Variants in TMF1 observed in about 807,000 individuals in gnomAD.
The protein encoded by TMF1 is TATA element modulatory factor 1, also known as TATA element modulatory factor.
In TMF1, 71 loss-of-function variants were observed where a neutral mutation model predicts 126.5. That is an observed-to-expected ratio of 0.56 (90% CI 0.46 to 0.68). TMF1 has a LOEUF of 0.68. Ranked by LOEUF, TMF1 falls within the 30% of genes least tolerant of loss-of-function variation. The pLI, the probability that TMF1 is intolerant of heterozygous loss-of-function variation, is 0.00. For synonymous variants in TMF1, 461 were observed against 430.5 expected, an observed-to-expected ratio of 1.07 and a Z score of -0.88; for missense variants, 1,259 against 1,253.2, an observed-to-expected ratio of 1.00 and a Z score of -0.07.
chr3:69,039,711 G>C lies in TMF1; in HGVS notation c.1685-18C>G. ...TTTTTCTCCTGGTGATGGTAAAGAA[G>C]TATAAACTCAAATGATAACTATTCC... On this transcript the variant is annotated intron_variant, in intron 5 of 16. Transcript: ENST00000398559. 1 of 1,601,674 alleles carries C rather than the reference G, an allele frequency of 6.2e-7. No individual in the cohort carries two copies. Among genetic ancestry groups the C allele is most frequent in the Non-Finnish European group, 8.5e-7 (1 of 1,176,560 alleles).
chr3:69,046,269 G>C (rs115419890), intron 2 of TMF1, among the ~76,000 whole-genome samples: 1 of 146,410 alleles, frequency 6.8e-6, no homozygotes, highest in African/African-American at 2.5e-5. Flanking sequence ...AGTATAAAAG[G>C]AGTAGGAAGG....
intron 15 of TMF1, chr3:69,025,212 T>C (rs7612705): frequency 0.035 from 6,671 of 189,572 alleles, 173 homozygotes; most frequent in African/African-American, 0.07. Flanking sequence ...CTTTATTCTG[T>C]TGGGAAAGAG....
chr3:69,049,770 G>C (rs1385361691), intron 1 of TMF1, among the ~76,000 whole-genome samples: 1 of 152,046 alleles, frequency 6.6e-6, no homozygotes, highest in Admixed American at 6.6e-5. Flanking sequence ...TTTTAAAAAT[G>C]GCATAATCAG....
At chr3:69,028,833 T>G (rs2091783632) in intron 11 of TMF1, among the ~76,000 whole-genome samples, 1 of 152,118 alleles carries the variant, frequency 6.6e-6, no homozygotes, top group African/African-American at 2.4e-5. Context: ...ATTATACTAC[T>G]AAAATCCTTG....
intron 2 of TMF1, 115 bp from the exon 3 acceptor site, chr3:69,044,710 G>A: frequency 1.6e-6 from 1 of 624,486 alleles, no homozygotes. Context: ...AAACAATCAA[G>A]AACAGTATTA....
intron 13 of TMF1, 69 bp from the exon 14 acceptor site, chr3:69,026,166 T>G: frequency 9.7e-7 from 1 of 1,030,402 alleles, no homozygotes; most frequent in Non-Finnish European, 1.5e-6. Flanking sequence ...CAAGAACATT[T>G]CCTAGGGTTA....
rs761270002 is a variant in TMF1, at chr3:69,024,086, T to C, written c.3107A>G (p.Lys1036Arg). ...CTGAGTTCTAAGTTTGGGTATCTCC[T>C]TCACCTTCTCTTCAAGTTCATCATT... Reference protein sequence around the residue: ...NQNDELEEKVKEIPKLRTQLR... With the variant: ...NQNDELEEKVREIPKLRTQLR... Residue 1036 changes from lysine (K) to arginine (R), a missense_variant, in exon 16 of 17, where the codon AAG becomes AGG. Coordinates refer to ENST00000398559, the MANE Select transcript of TMF1 (RefSeq NM_007114.3). 5.0e-6 allele frequency: 8 copies of C among 1,609,746 alleles called. No homozygotes were observed. Among genetic ancestry groups the C allele is most frequent in the Non-Finnish European group, 6.8e-6 (8 of 1,178,506 alleles).
At chr3:69,026,855 A>G (rs1465253990) in intron 13 of TMF1, among the ~76,000 whole-genome samples, 1 of 152,164 alleles carries the variant, frequency 6.6e-6, no homozygotes, top group Non-Finnish European at 1.5e-5. Context: ...TGGCTTATCC[A>G]TTTTATTTTT....
At chr3:69,040,300 C>T (rs996847102) in intron 5 of TMF1, 21 of 152,468 alleles carry the variant, frequency 1.4e-4, no homozygotes, top group African/African-American at 4.6e-4. Context: ...TTATAACAGA[C>T]ACTTTTAGAG....
At position 69,048,331 on chromosome 3, in the gene TMF1, G is replaced by C. The variant is rs764841393; in HGVS notation, c.374C>G (p.Pro125Arg). The C allele has an allele frequency of 6.2e-7, 1 of 1,614,138 alleles. No homozygotes were observed. ...VSKPPAKSQR[P>R]EEEVKSSLHE... is the part of the protein sequence containing the mutation. Reference sequence around the variant, plus strand: ...TAAGCTGCTTTTCACTTCTTCTTCTGGTCGTTGTGATTTTGCTGGAGGTTT... The same window carrying C: ...TAAGCTGCTTTTCACTTCTTCTTCTCGTCGTTGTGATTTTGCTGGAGGTTT... Residue 125 changes from proline to arginine, a missense_variant, in exon 2 of 17, where the codon CCA becomes CGA. By Grantham distance (103) the Pro-to-Arg change is moderately radical. Transcript: ENST00000398559.
At chr3:69,033,919 C>G in intron 9 of TMF1, 1 of 377,540 alleles carries the variant, frequency 2.6e-6, no homozygotes, top group Non-Finnish European at 4.7e-6. Flanking sequence ...TAGCCTCAAC[C>G]TCCTAGGCTC....
intron 5 of TMF1, chr3:69,042,328 A>G (rs1400800368): frequency 2.2e-6 from 1 of 455,664 alleles, no homozygotes; most frequent in Non-Finnish European, 4.4e-6. Context: ...ATAAGCCACC[A>G]CACTCAGCCA....
intron 7 of TMF1, 59 bp from the exon 8 acceptor site, chr3:69,038,779 T>G: frequency 6.3e-7 from 1 of 1,587,942 alleles, no homozygotes; most frequent in Non-Finnish European, 8.6e-7. Flanking sequence ...AGAAAAAGTA[T>G]TTCTTCAACA....
chr3:69,025,552 T>C lies in TMF1; in HGVS notation c.3012+8A>G. The stretch of plus-strand genomic sequence containing the variant: ...TTACTTCTATAGCAAATTTAATTTT[T>C]CCAATACCTGTAAATGAGTGATTTC... On this transcript the variant is annotated splice_region_variant and intron_variant, in intron 15 of 16. Transcript: ENST00000398559. The C allele has an allele frequency of 6.2e-7, 1 of 1,604,654 alleles. No homozygotes were observed. The highest frequency in any genetic ancestry group is 8.5e-7 in the Non-Finnish European group (1 of 1,176,360).
Position 69,020,199 on chromosome 3 carries a change from T to C in TMF1, c.*2978A>G, listed in dbSNP as rs986931031. On this transcript the variant is annotated 3_prime_UTR_variant, in exon 17 of 17. Transcript: ENST00000398559. ...GAAGAGATGGAGAAAAAAAATTTCCTGAACATTCTTTTCACTTACTTCACT... is the reference window on the plus strand; with the variant it reads ...GAAGAGATGGAGAAAAAAAATTTCCCGAACATTCTTTTCACTTACTTCACT... 1 of 152,224 alleles carries C rather than the reference T, an allele frequency of 6.6e-6. No individual in the cohort carries two copies. Among genetic ancestry groups the C allele is most frequent in the Non-Finnish European group, 1.5e-5 (1 of 68,022 alleles). The allele number at this position is 152,224 out of a possible 1,614,324, so 9.4% of individuals were successfully genotyped here.
Position 69,038,665 on chromosome 3 carries a change from C to T in TMF1, c.2050G>A (p.Ala684Thr). The change falls in exon 8 of 17, where the codon GCT (alanine) becomes ACT (threonine). Residue 684 changes from alanine to threonine, a missense_variant. Physicochemically the swap from Ala to Thr is moderately conservative, Grantham distance 58 (BLOSUM62 0). Transcript: ENST00000398559. Reference protein sequence around the residue: ...NAAKDSEAQEAALSREMKAKE... With the variant: ...NAAKDSEAQETALSREMKAKE... The stretch of plus-strand genomic sequence containing the variant: ...GCTTTCATTTCACGGCTCAGAGCAG[C>T]TTCCTGTGCCTCACTATCCTTTGCA... 1 of 1,614,194 alleles carries T rather than the reference C, an allele frequency of 6.2e-7. No homozygotes were observed. Among genetic ancestry groups the T allele is most frequent in the Non-Finnish European group, 8.5e-7 (1 of 1,180,024 alleles).
At chr3:69,023,411 T>C (rs1404484350) in intron 16 of TMF1, 91 bp from the exon 17 acceptor site, 2 of 1,046,260 alleles carry the variant, frequency 1.9e-6, no homozygotes, top group African/African-American at 3.3e-5. Context: ...ATGAAAACAC[T>C]ACAATTTAAA....
At chr3:69,032,690 A>T (rs2091809877) in intron 10 of TMF1, among the ~76,000 whole-genome samples, 1 of 149,276 alleles carries the variant, frequency 6.7e-6, no homozygotes, top group Non-Finnish European at 1.5e-5. Context: ...AGCTCACTGC[A>T]GCCTCTGCTT....
intron 1 of TMF1, among the ~76,000 whole-genome samples, chr3:69,050,714 A>T (rs2091922538): frequency 6.6e-6 from 1 of 152,262 alleles, no homozygotes; most frequent in Non-Finnish European, 1.5e-5. Context: ...AAAGAGGATC[A>T]TCACATACAC....
Sources: allele counts gnomAD v4.1 joint callset (sites outside exome capture counted in the v4.1 genomes callset), GRCh38; gene constraint gnomAD v4.1.1; transcripts MANE v1.5; gene names NCBI Gene and HGNC (gene_info 2026-07-23, HGNC 2026-07-21).